The following CDC27 variants were observed in gnomAD, a reference collection of about 807,000 sequenced individuals.
CDC27 encodes cell division cycle protein 27 homolog.
A neutral mutation model predicts 109.7 loss-of-function variants in CDC27; 27 were observed. That is an observed-to-expected ratio of 0.25 (90% confidence interval 0.18 to 0.34). The LOEUF (loss-of-function observed/expected upper bound fraction) is 0.34, where lower values mean the gene tolerates loss of function less well. Ranked by LOEUF, CDC27 falls within the 10% of genes least tolerant of loss-of-function variation. The pLI is 1.00. For synonymous variants in CDC27, 266 were observed against 333.9 expected (o/e 0.80, Z 2.22); for missense variants, 579 against 960.2 (o/e 0.60, Z 5.25).
chr17:47,141,979 A>C lies in CDC27; in HGVS notation c.1425T>G (p.Ala475=). ...CTTCTTTGCAGTTGTATGAACACAAAGCTAAATAACCTTTCCCCATTTCAC... is the reference window on the plus strand; with the variant it reads ...CTTCTTTGCAGTTGTATGAACACAACGCTAAATAACCTTTCCCCATTTCAC... ...LLREMGKGYL[A]LCSYNCKEAI... Residue 475 remains alanine (A), a synonymous_variant, in exon 12 of 19, where the codon GCT becomes GCG. Coordinates refer to ENST00000066544, the MANE Select transcript of CDC27 (RefSeq NM_001256.6). 1.2e-6 allele frequency: 2 copies of C among 1,607,302 alleles called. No homozygotes were observed. Among genetic ancestry groups the C allele is most frequent in the Non-Finnish European group, 8.5e-7 (1 of 1,176,646 alleles).
At chr17:47,143,241 G>A (rs1305711088) in intron 10 of CDC27, among the ~76,000 whole-genome samples, 1 of 152,170 alleles carries the variant, frequency 6.6e-6, no homozygotes, top group Non-Finnish European at 1.5e-5. Flanking sequence ...TAGGATTACA[G>A]GCGTGAGCCA....
In CDC27 at chr17:47,123,093, A is replaced by G. The variant is rs564044837; in HGVS notation, c.2236-493T>C. Among the ~76,000 whole-genome samples the G allele has an allele frequency of 6.6e-5, 10 of 152,318 alleles. No homozygotes were observed. The East Asian group carries it at 1.7e-3, about 26-fold the overall frequency. On this transcript the variant is annotated intron_variant, in intron 17 of 18. Transcript: ENST00000066544. Reference sequence around the variant, plus strand: ...CCAGCTTTTGAGTTCCTTTTAATATAATCAGACATTATTTTCAGAATTCCT... The same window carrying G: ...CCAGCTTTTGAGTTCCTTTTAATATGATCAGACATTATTTTCAGAATTCCT...
chr17:47,145,731 T>C (rs958595357), intron 9 of CDC27, among the ~76,000 whole-genome samples: 7 of 151,882 alleles, frequency 4.6e-5, no homozygotes, highest in African/African-American at 1.7e-4. Flanking sequence ...TGGAACCCCA[T>C]CTCTACTAAA....
chr17:47,155,900 C>A (rs11570487), intron 7 of CDC27, among the ~76,000 whole-genome samples: 12,266 of 152,122 alleles, frequency 0.081, 569 homozygotes, highest in African/African-American at 0.11. Context: ...CTGCAGTGAG[C>A]TATGATTGTG....
At chr17:47,135,662 ACTC>A (rs1044474453) in intron 14 of CDC27, among the ~76,000 whole-genome samples, 9 of 152,144 alleles carry the variant, frequency 5.9e-5, no homozygotes, top group Non-Finnish European at 1.3e-4. Context: ...CAGCATTTAA[ACTC>A]CTCCTAGTAA....
At chr17:47,146,377 A>G (rs2062959370) in intron 9 of CDC27, among the ~76,000 whole-genome samples, 1 of 152,216 alleles carries the variant, frequency 6.6e-6, no homozygotes, top group Admixed American at 6.5e-5. Flanking sequence ...GGGGACTGTG[A>G]TCTTAACCTG....
intron 2 of CDC27, among the ~76,000 whole-genome samples, chr17:47,173,879 G>A (rs894274354): frequency 6.6e-6 from 1 of 152,158 alleles, no homozygotes; most frequent in Non-Finnish European, 1.5e-5. Flanking sequence ...GATCACCTGA[G>A]GTCAGGAATT....
In CDC27 at chr17:47,181,627, C is replaced by A; in HGVS notation, c.38G>T (p.Trp13Leu). Residue 13 changes from tryptophan to leucine, a missense_variant, in exon 2 of 19, where the codon TGG becomes TTG. Physicochemically the swap from Trp to Leu is moderately conservative, Grantham distance 61. This residue lies in a region of CDC27 where 44 missense variants were observed against 102.2 expected (regional missense o/e 0.43). Coordinates refer to ENST00000066544, the MANE Select transcript of CDC27 (RefSeq NM_001256.6). ...GTAAGCATAGTGGTTTAGTGCTTGC[C>A]ATATAGCAGCCTGCAAATGGAGGAA... ...VLQEPVQAAI[W>L]QALNHYAYRD... 1.3e-6 allele frequency: 2 copies of A among 1,599,510 alleles called. No individual in the cohort carries two copies. Among genetic ancestry groups the A allele is most frequent in the South Asian group, 1.1e-5 (1 of 89,710 alleles).
chr17:47,147,256 G>A (rs1162425531), intron 9 of CDC27, among the ~76,000 whole-genome samples: 29 of 151,510 alleles, frequency 1.9e-4, no homozygotes, highest in African/African-American at 6.5e-4. Flanking sequence ...AAAATTAGCT[G>A]GGCATGGTGG....
At chr17:47,161,322 A>C (rs1415766815) in intron 4 of CDC27, among the ~76,000 whole-genome samples, 1 of 152,180 alleles carries the variant, frequency 6.6e-6, no homozygotes, top group Non-Finnish European at 1.5e-5. Flanking sequence ...GACTGACATA[A>C]TCACCCACCA....
At chr17:47,163,937 T>C (rs1347346437) in intron 4 of CDC27, among the ~76,000 whole-genome samples, 1 of 152,160 alleles carries the variant, frequency 6.6e-6, no homozygotes, top group African/African-American at 2.4e-5. Context: ...CTGATTTTTG[T>C]ATTTTTAGTT....
At chr17:47,164,046 G>C (rs986210751) in intron 4 of CDC27, among the ~76,000 whole-genome samples, 2 of 152,200 alleles carry the variant, frequency 1.3e-5, no homozygotes, top group Admixed American at 1.3e-4. Flanking sequence ...TTATAGGTGT[G>C]AGCCACCCTG....
intron 4 of CDC27, among the ~76,000 whole-genome samples, chr17:47,166,458 T>C (rs779047163): frequency 8.5e-5 from 13 of 152,180 alleles, no homozygotes; most frequent in Non-Finnish European, 1.5e-4. Context: ...GTGATATTCC[T>C]TCTTTCATTC....
chr17:47,157,455 A>C (rs1598506843), intron 5 of CDC27, 71 bp from the exon 6 acceptor site: 3 of 1,196,672 alleles, frequency 2.5e-6, no homozygotes. Flanking sequence ...AGTATGCATA[A>C]ATCAGTGGAA....
At chr17:47,186,894 A>C (rs2064459007) in intron 1 of CDC27, among the ~76,000 whole-genome samples, 1 of 152,130 alleles carries the variant, frequency 6.6e-6, no homozygotes, top group Non-Finnish European at 1.5e-5. Context: ...AAATACACGC[A>C]ATCTGTCATC....
chr17:47,152,132 C>T (rs1057500825), intron 8 of CDC27, among the ~76,000 whole-genome samples: 1 of 152,026 alleles, frequency 6.6e-6, no homozygotes, highest in Admixed American at 6.5e-5. Context: ...GTATTTTTAC[C>T]TCTATAATGT....
chr17:47,188,881 C>A, intron 1 of CDC27: 1 of 1,380,772 alleles, frequency 7.2e-7, no homozygotes. Flanking sequence ...ACAGGAAAGG[C>A]TGGCCGGACG....
intron 2 of CDC27, among the ~76,000 whole-genome samples, chr17:47,173,591 G>C (rs1226748228): frequency 2.0e-5 from 3 of 152,112 alleles, no homozygotes; most frequent in African/African-American, 7.2e-5. Context: ...CAGTAATGCT[G>C]TCTCAATTGT....
chr17:47,122,537 C>T lies in CDC27; in HGVS notation c.2299G>A (p.Asp767Asn). 3 of 1,612,742 alleles carry T rather than the reference C, an allele frequency of 1.9e-6. No homozygotes were observed. Among genetic ancestry groups the T allele is most frequent in the Non-Finnish European group, 2.5e-6 (3 of 1,179,244 alleles). ...LMNFSWAMDL[D>N]PKGANNQIKE... ...ATCTGGTTATTGGCTCCTTTAGGATCTAAATCCATAGCCCAAGAGAAATTC... is the reference window on the plus strand; with the variant it reads ...ATCTGGTTATTGGCTCCTTTAGGATTTAAATCCATAGCCCAAGAGAAATTC... Residue 767 changes from aspartate (D) to asparagine (N), a missense_variant, in exon 18 of 19, where the codon GAT (aspartate) becomes AAT (asparagine). Asp to Asn is a conservative substitution (Grantham distance 23). Around this residue, in one of 9 missense-constraint regions of CDC27, gnomAD observed 227 missense variants for 363.6 expected, o/e 0.62. Transcript: ENST00000066544.
Sources: gnomAD v4.1 joint callset for allele counts (sites outside exome capture counted in the v4.1 genomes callset) on GRCh38, gnomAD v4.1.1 for gene constraint, gnomAD v4.1.1 regional missense constraint, MANE v1.5 for transcripts, NCBI Gene and HGNC (gene_info 2026-07-23, HGNC 2026-07-21) for gene names.